Variants in UXT observed in about 807,000 individuals in gnomAD.
The protein encoded by UXT is ubiquitously expressed prefoldin like chaperone.
For missense variants in UXT, 111 were observed against 132.7 expected, an observed-to-expected ratio of 0.84 and a Z score of 0.80; for synonymous variants, 54 against 52.8, an observed-to-expected ratio of 1.02 and a Z score of -0.10.
At chrX:47,658,600 C>G (rs751476843) in intron 1 of UXT, among the ~76,000 whole-genome samples, 67 of 112,366 alleles carry the variant, frequency 6.0e-4, no homozygotes, top group African/African-American at 2.1e-3. Context: ...GAAAACAAGC[C>G]TTAATCTGTT....
chrX:47,653,964 C>CA, intron 4 of UXT: 5 of 344,473 alleles, frequency 1.5e-5, no homozygotes, highest in Non-Finnish European at 1.9e-5. Context: ...TGAACCTGAT[C>CA]AGCTCCTAAG....
At chrX:47,655,106 C>G (rs992680266) in intron 4 of UXT, among the ~76,000 whole-genome samples, 1 of 111,668 alleles carries the variant, frequency 9.0e-6, no homozygotes, top group African/African-American at 3.3e-5. Flanking sequence ...ATGGCAAAAC[C>G]CTGTCTCTAC....
At chrX:47,651,978 T>C in intron 5 of UXT, 83 bp from the exon 7 acceptor site, 2 of 1,180,102 alleles carry the variant, frequency 1.7e-6, no homozygotes, top group Non-Finnish European at 1.1e-6. Flanking sequence ...CTCCCTTGAC[T>C]CCAGTTTAGA....
chrX:47,654,309 C>T (rs1335406430), intron 4 of UXT, among the ~76,000 whole-genome samples: 4 of 107,582 alleles, frequency 3.7e-5, no homozygotes, highest in African/African-American at 1.4e-4. Flanking sequence ...CGAGTTCAAG[C>T]GATTCTCCTG....
At position 47,657,233 on chromosome X, in the gene UXT, T is replaced by C. The variant is rs748682259; in HGVS notation, c.342A>G (p.Thr114=). The C allele has an allele frequency of 5.8e-6, 7 of 1,208,307 alleles. No homozygotes were observed. The East Asian group carries it at 1.8e-4, about 31-fold the overall frequency. Residue 114 remains threonine (T), a synonymous_variant, in exon 4 of 6, where the codon ACA becomes ACG. Coordinates refer to ENST00000335890, the MANE Select transcript of UXT (RefSeq NM_153477.3). ...CAATGAACTTGAGAGCTTCTGCCAG[T>C]GTCAACTCCAGGAAAAAACCATATC... is the stretch of plus-strand genomic sequence containing the variant.
At chrX:47,653,283 A>G (rs1445936103) in intron 4 of UXT, among the ~76,000 whole-genome samples, 4 of 112,291 alleles carry the variant, frequency 3.6e-5, no homozygotes, top group Non-Finnish European at 7.5e-5. Flanking sequence ...TAAATTGGAA[A>G]AAAAAGTAGT....
chrX:47,653,405 A>G (rs1603098443), intron 4 of UXT, among the ~76,000 whole-genome samples: 1 of 111,755 alleles, frequency 8.9e-6, no homozygotes, highest in Non-Finnish European at 1.9e-5. Flanking sequence ...TCAGTGTTTA[A>G]TAAGTGCCTC....
intron 4 of UXT, among the ~76,000 whole-genome samples, chrX:47,655,519 T>C (rs1398553256): frequency 1.8e-5 from 2 of 112,090 alleles, no homozygotes; most frequent in African/African-American, 3.2e-5. Flanking sequence ...AAAATGAATG[T>C]AGAACAGACA....
At chrX:47,655,252 C>T (rs996386429) in intron 4 of UXT, among the ~76,000 whole-genome samples, 1 of 112,360 alleles carries the variant, frequency 8.9e-6, no homozygotes, top group South Asian at 3.7e-4. Flanking sequence ...TGCACTCCAG[C>T]CTGGGCGACA....
intron 4 of UXT, 50 bp downstream of exon 5, chrX:47,657,133 T>G: frequency 1.0e-6 from 1 of 992,754 alleles, no homozygotes; most frequent in Non-Finnish European, 1.4e-6. Context: ...GGGAGAAGAG[T>G]GTTGGAAATG....
chrX:47,658,166 T>C (rs1015506775), intron 1 of UXT, among the ~76,000 whole-genome samples: 2 of 111,299 alleles, frequency 1.8e-5, no homozygotes, highest in African/African-American at 6.6e-5. Flanking sequence ...ACAAAGCATC[T>C]AGAATAATGC....
intron 4 of UXT, among the ~76,000 whole-genome samples, chrX:47,654,291 C>T (rs1287711567): frequency 9.3e-6 from 1 of 107,148 alleles, no homozygotes; most frequent in Non-Finnish European, 1.9e-5. Context: ...ACTGCAACCT[C>T]CACCCTCCGA....
chrX:47,657,661 G>C (rs1334028017), intron 2 of UXT, 22 bp from the exon 4 acceptor site: 1 of 1,204,087 alleles, frequency 8.3e-7, no homozygotes. Flanking sequence ...GGGAAAAAGA[G>C]GTAGGGGTCA....
At chrX:47,652,381 C>T (rs963568957) in intron 4 of UXT, among the ~76,000 whole-genome samples, 3 of 112,151 alleles carry the variant, frequency 2.7e-5, no homozygotes, top group African/African-American at 9.7e-5. Flanking sequence ...AACTCCCGGC[C>T]TGATGGACTT....
In UXT at chrX:47,659,143, G is replaced by A; in HGVS notation, c.-180C>T. 1 of 704,199 alleles carries A rather than the reference G, an allele frequency of 1.4e-6. No homozygotes were observed. The highest frequency in any genetic ancestry group is 2.2e-6 in the Non-Finnish European group (1 of 460,747). 58.0% of individuals were successfully genotyped at this position (704,199 alleles called of 1,213,427 possible). A position where few individuals can be genotyped will look rare whatever the true frequency, so the allele number is the denominator to read the frequency against. On this transcript the variant is annotated 5_prime_UTR_variant, in exon 1 of 6. Transcript: ENST00000335890. The stretch of plus-strand genomic sequence containing the variant: ...AGGCCGCCAGCAATAAGAACGGTTG[G>A]TAGGAACCGCGGCTTCCGGGTGGCG...
intron 4 of UXT, 56 bp from the exon 6 acceptor site, chrX:47,652,200 T>G: frequency 9.7e-7 from 1 of 1,032,290 alleles, no homozygotes; most frequent in South Asian, 2.0e-5. Context: ...ATGATGACCC[T>G]TCCTTATCAC....
chrX:47,652,219 C>G, intron 4 of UXT, 75 bp from the exon 6 acceptor site: 1 of 948,728 alleles, frequency 1.1e-6, no homozygotes, highest in Non-Finnish European at 1.5e-6. Context: ...ACTTCAAGAT[C>G]TACTTATATC....
chrX:47,658,717 G>A, intron 1 of UXT, 113 bp downstream of exon 2: 1 of 995,966 alleles, frequency 1.0e-6, no homozygotes, highest in Non-Finnish European at 1.3e-6. Context: ...AAGGAGCGCG[G>A]GGCCGGACTC....
In UXT at chrX:47,657,691, G is replaced by C. The variant is rs949215642; in HGVS notation, c.217-52C>G. ...GGGTCAGTGGTGAACTCTTAGGTCAGGTGACAGGGTTGGGTCTGGAGTCTC... is the reference window on the plus strand; with the variant it reads ...GGGTCAGTGGTGAACTCTTAGGTCACGTGACAGGGTTGGGTCTGGAGTCTC... On this transcript the variant is annotated intron_variant, in intron 2 of 5. Transcript: ENST00000335890. 3 of 1,188,987 alleles carry C rather than the reference G, an allele frequency of 2.5e-6. No homozygotes were observed. The South Asian group carries it at 5.4e-5, about 21-fold the overall frequency.
Sources: allele counts gnomAD v4.1 joint callset (sites outside exome capture counted in the v4.1 genomes callset), GRCh38; gene constraint gnomAD v4.1.1; transcripts MANE v1.5; gene names NCBI Gene and HGNC (gene_info 2026-07-23, HGNC 2026-07-21).